The following MAP3K7CL variants were observed in gnomAD, a reference collection of about 807,000 sequenced individuals.
MAP3K7CL encodes the protein MAP3K7 C-terminal like.
A neutral mutation model predicts 18.6 loss-of-function variants in MAP3K7CL; 16 were observed. The observed-to-expected ratio is 0.86, with a 90% confidence interval of 0.58 to 1.31. The LOEUF is 1.31. Among genes scored for constraint, MAP3K7CL ranks in the 50% most tolerant of loss-of-function variants. The probability of loss-of-function intolerance (pLI) is 0.00; values close to 1 mark genes in which losing one functional copy is unlikely to be tolerated. For synonymous variants in MAP3K7CL, 65 were observed against 66.8 expected (o/e 0.97, Z 0.13); for missense variants, 163 against 174.4 (o/e 0.93, Z 0.37).
chr21:29,083,586 A>G (rs1451634611), upstream of MAP3K7CL, among the ~76,000 whole-genome samples: 1 of 152,056 alleles, frequency 6.6e-6, no homozygotes, highest in Non-Finnish European at 1.5e-5. Context: ...TATGGCCGCT[A>G]TGAATCTTCC....
In MAP3K7CL at chr21:29,133,288, T is replaced by G. The variant is rs754902302; in HGVS notation, c.-39-18T>G. On this transcript the variant is annotated intron_variant, in intron 1 of 4. Transcript: ENST00000399928. Reference sequence around the variant, plus strand: ...TGATGCTGGATAAAGTGACAATGGCTCTCTCTTGCTGTCACAGCTGGAAGA... The same window carrying G: ...TGATGCTGGATAAAGTGACAATGGCGCTCTCTTGCTGTCACAGCTGGAAGA... 6.5e-7 allele frequency: 1 copy of G among 1,540,950 alleles called. No homozygotes were observed. The highest frequency in any genetic ancestry group is 1.2e-5 in the South Asian group (1 of 83,670).
chr21:29,149,124 G>A, intron 2 of MAP3K7CL, 65 bp from the exon 3 acceptor site: 2 of 1,296,472 alleles, frequency 1.5e-6, no homozygotes, highest in Admixed American at 3.4e-5. Flanking sequence ...TAACTCTGGG[G>A]GAGTCCAAGG....
intron 4 of MAP3K7CL, among the ~76,000 whole-genome samples, chr21:29,097,754 A>G (rs917626418): frequency 6.6e-6 from 1 of 152,210 alleles, no homozygotes. Context: ...TTGGTCAGAA[A>G]TGGCTTACTG....
chr21:29,152,303 A>G (rs988509416), intron 3 of MAP3K7CL, among the ~76,000 whole-genome samples: 3 of 152,268 alleles, frequency 2.0e-5, no homozygotes, highest in Admixed American at 6.5e-5. Context: ...TAGCGTAAGC[A>G]TATACATTTA....
intron 4 of MAP3K7CL, among the ~76,000 whole-genome samples, chr21:29,160,406 C>T (rs555630195): frequency 5.8e-4 from 88 of 152,290 alleles, no homozygotes; most frequent in Non-Finnish European, 9.7e-4. Flanking sequence ...GATGGCATTC[C>T]CACATCACGT....
At chr21:29,111,601 C>T (rs62222400) in intron 4 of MAP3K7CL, among the ~76,000 whole-genome samples, 8,043 of 152,222 alleles carry the variant, frequency 0.053, 299 homozygotes, top group Middle Eastern at 0.11. Flanking sequence ...TGGAAGTCTA[C>T]GTGTTTTCAC....
At chr21:29,095,030 C>G (rs2086096263) in intron 4 of MAP3K7CL, among the ~76,000 whole-genome samples, 1 of 148,250 alleles carries the variant, frequency 6.7e-6, no homozygotes, top group South Asian at 2.1e-4. Flanking sequence ...TGCACTCCAG[C>G]CTGGGTGATA....
chr21:29,105,941 C>T (rs1049555821), intron 4 of MAP3K7CL, among the ~76,000 whole-genome samples: 2 of 152,106 alleles, frequency 1.3e-5, no homozygotes, highest in African/African-American at 4.8e-5. Flanking sequence ...GAAGGTAGCT[C>T]TACAAAATTA....
chr21:29,097,070 G>A (rs2146517346), intron 4 of MAP3K7CL, among the ~76,000 whole-genome samples: 1 of 152,302 alleles, frequency 6.6e-6, no homozygotes, highest in South Asian at 2.1e-4. Flanking sequence ...GGGGATGAGA[G>A]GAGTATTGTG....
At chr21:29,145,387 C>T (rs947509654) in intron 2 of MAP3K7CL, among the ~76,000 whole-genome samples, 3 of 152,132 alleles carry the variant, frequency 2.0e-5, no homozygotes, top group Non-Finnish European at 4.4e-5. Flanking sequence ...GTCAGGAACT[C>T]CGATCCGGTA....
intron 4 of MAP3K7CL, among the ~76,000 whole-genome samples, chr21:29,100,417 A>G (rs2086206583): frequency 6.6e-6 from 1 of 152,208 alleles, no homozygotes; most frequent in Non-Finnish European, 1.5e-5. Context: ...CTGACTACTA[A>G]GAGGTTGCAG....
At chr21:29,109,132 A>T (rs2086375305) in intron 4 of MAP3K7CL, 1 of 1,535,258 alleles carries the variant, frequency 6.5e-7, no homozygotes, top group Non-Finnish European at 8.7e-7. Context: ...CTGACTGAAG[A>T]TGCTTGTTTC....
chr21:29,154,132 A>G (rs574871982), intron 3 of MAP3K7CL, among the ~76,000 whole-genome samples: 1 of 152,310 alleles, frequency 6.6e-6, no homozygotes, highest in African/African-American at 2.4e-5. Flanking sequence ...GGAGATAATG[A>G]TATCAATCTC....
intron 2 of MAP3K7CL, among the ~76,000 whole-genome samples, chr21:29,147,510 G>A (rs2087160343): frequency 1.3e-5 from 2 of 151,656 alleles, no homozygotes; most frequent in Non-Finnish European, 2.9e-5. Flanking sequence ...TACTGTATAT[G>A]CATCTGTACT....
intron 4 of MAP3K7CL, among the ~76,000 whole-genome samples, chr21:29,099,866 G>A (rs1276652328): frequency 6.6e-6 from 1 of 151,846 alleles, no homozygotes; most frequent in Non-Finnish European, 1.5e-5. Context: ...GGCGGATCAC[G>A]AGGTCAGGAG....
intron 4 of MAP3K7CL, among the ~76,000 whole-genome samples, chr21:29,102,075 A>G (rs753905208): frequency 7.9e-5 from 12 of 152,234 alleles, no homozygotes; most frequent in Non-Finnish European, 1.6e-4. Flanking sequence ...CATGTAAACA[A>G]TCAACATCCC....
chr21:29,099,507 T>C (rs577760409), intron 4 of MAP3K7CL, among the ~76,000 whole-genome samples: 3 of 151,968 alleles, frequency 2.0e-5, no homozygotes, highest in Non-Finnish European at 1.5e-5. Flanking sequence ...AAATAAAACA[T>C]CTCAATATAT....
chr21:29,090,671 G>A (rs561611208), intron 1 of MAP3K7CL, among the ~76,000 whole-genome samples: 8 of 152,074 alleles, frequency 5.3e-5, no homozygotes, highest in African/African-American at 1.2e-4. Flanking sequence ...GAGCCACCGC[G>A]CCCGGCAGCT....
chr21:29,141,640 C>A (rs1442458019), intron 2 of MAP3K7CL, among the ~76,000 whole-genome samples: 1 of 151,884 alleles, frequency 6.6e-6, no homozygotes, highest in African/African-American at 2.4e-5. Context: ...GTTAAGATAA[C>A]ATCATGTTTA....
Sources: gnomAD v4.1 joint callset for allele counts (sites outside exome capture counted in the v4.1 genomes callset) on GRCh38, gnomAD v4.1.1 for gene constraint, MANE v1.5 for transcripts, NCBI Gene and HGNC (gene_info 2026-07-23, HGNC 2026-07-21) for gene names.